Variants in MAK observed in about 807,000 individuals in gnomAD.
MAK encodes the protein serine/threonine-protein kinase MAK.
Under a neutral mutation model 82.6 loss-of-function variants are expected in MAK, and 65 were observed. The observed-to-expected ratio is 0.79, with a 90% confidence interval of 0.64 to 0.97. MAK has a LOEUF of 0.97. Among genes scored for constraint, MAK ranks in the 50% least tolerant of loss-of-function variants. The pLI is 0.00. For missense variants in MAK, 703 were observed against 780.2 expected (o/e 0.90, Z 1.18); for synonymous variants, 250 against 274.2 (o/e 0.91, Z 0.87).
Position 10,796,211 on chromosome 6 carries a change from T to G in MAK, c.930A>C (p.Leu310Phe). The change falls in exon 9 of 15, where the codon TTA (leucine) becomes TTC (phenylalanine). Residue 310 changes from leucine (L) to phenylalanine (F), a missense_variant. Leu to Phe is a conservative substitution (Grantham distance 22). Coordinates refer to ENST00000354489, the MANE Select transcript of MAK (RefSeq NM_001242957.3). ...CCTCAACTAAAGATGGCTTTGATTC[T>G]AATGGTTGCAGCTGCTTATTTAAAG... ...KQSLNKQLQP[L>F]ESKPSLVEVE... 6.2e-7 allele frequency: 1 copy of G among 1,614,182 alleles called. No individual in the cohort carries two copies.
At position 10,764,186 on chromosome 6, in the gene MAK, G is replaced by T. The variant is rs1772183532; in HGVS notation, c.*266C>A. The T allele has an allele frequency of 2.5e-6, 1 of 396,336 alleles. No individual in the cohort carries two copies. 24.6% of individuals were successfully genotyped at this position (396,336 alleles called of 1,614,324 possible). On this transcript the variant is annotated 3_prime_UTR_variant, in exon 15 of 15. Transcript: ENST00000354489. The stretch of plus-strand genomic sequence containing the variant: ...TGGATTTACTATTTATTAAATTGTA[G>T]ATCAAATACTTCATACTTTGGCAAA...
At chr6:10,765,187 C>T (rs1179944358) in intron 14 of MAK, among the ~76,000 whole-genome samples, 1 of 151,836 alleles carries the variant, frequency 6.6e-6, no homozygotes, top group Non-Finnish European at 1.5e-5. Flanking sequence ...TAATATTTTA[C>T]ATTTAGATAG....
intron 2 of MAK, among the ~76,000 whole-genome samples, chr6:10,820,287 CTTTA>C (rs1275135770): frequency 6.6e-6 from 1 of 152,110 alleles, no homozygotes; most frequent in Non-Finnish European, 1.5e-5. Flanking sequence ...TTAGCGTTGT[CTTTA>C]TTAATTACAA....
chr6:10,837,357 C>T (rs1015608900), intron 1 of MAK, among the ~76,000 whole-genome samples: 4 of 152,198 alleles, frequency 2.6e-5, no homozygotes, highest in Non-Finnish European at 4.4e-5. Flanking sequence ...TGCTCATATT[C>T]ACAAATTATT....
intron 2 of MAK, among the ~76,000 whole-genome samples, chr6:10,823,789 C>T (rs1038170287): frequency 2.0e-5 from 3 of 151,926 alleles, no homozygotes; most frequent in African/African-American, 7.3e-5. Flanking sequence ...CTTGGCCTCC[C>T]AAAGTGCTGG....
At chr6:10,815,292 T>C (rs549902356) in intron 4 of MAK, among the ~76,000 whole-genome samples, 2 of 152,262 alleles carry the variant, frequency 1.3e-5, no homozygotes, top group South Asian at 4.2e-4. Context: ...TAATTATTTA[T>C]TTTTAAAATT....
At chr6:10,781,749 T>C (rs1364148303) in intron 11 of MAK, among the ~76,000 whole-genome samples, 3 of 152,094 alleles carry the variant, frequency 2.0e-5, no homozygotes, top group Non-Finnish European at 4.4e-5. Context: ...ATAAGATACT[T>C]GTAAATTGAC....
intron 10 of MAK, among the ~76,000 whole-genome samples, chr6:10,787,367 TA>T (rs1774659872): frequency 6.6e-6 from 1 of 152,222 alleles, no homozygotes; most frequent in Admixed American, 6.5e-5. Context: ...AATTAATCCT[TA>T]CCTGATCTTG....
chr6:10,809,023 A>G, intron 5 of MAK, 81 bp from the exon 6 acceptor site: 9 of 1,200,622 alleles, frequency 7.5e-6, no homozygotes, highest in Non-Finnish European at 1.1e-5. Flanking sequence ...AACAAAATAT[A>G]AATGAACCCC....
At chr6:10,773,267 A>G (rs920632436) in intron 12 of MAK, among the ~76,000 whole-genome samples, 159 bp from the exon 13 acceptor site, 1 of 152,208 alleles carries the variant, frequency 6.6e-6, no homozygotes, top group Non-Finnish European at 1.5e-5. Context: ...TTTGATGCCA[A>G]CTGTATATTC....
At chr6:10,822,449 C>T (rs1212662217) in intron 2 of MAK, among the ~76,000 whole-genome samples, 2 of 150,198 alleles carry the variant, frequency 1.3e-5, no homozygotes, top group Non-Finnish European at 3.0e-5. Context: ...AGCAAAACTC[C>T]GTCTCAAAAA....
In MAK at chr6:10,773,232, G is replaced by C. The variant is rs75343246; in HGVS notation, c.1598-124C>G. 2.5e-3 allele frequency: 1,283 copies of C among 510,714 alleles called. 17 individuals are homozygous for C. Among genetic ancestry groups the C allele is most frequent in the African/African-American group, 0.022 (1,162 of 52,172 alleles). 31.6% of individuals were successfully genotyped at this position (510,714 alleles called of 1,614,324 possible). ...AAAGAGCCCTTAAAAATGCAAAAAT[G>C]TCCCCATTGTTGTCACAGCATTTAT... is the stretch of plus-strand genomic sequence containing the variant. On this transcript the variant is annotated intron_variant, in intron 12 of 14. Transcript: ENST00000354489.
At chr6:10,783,881 T>C (rs1325805937) in intron 11 of MAK, among the ~76,000 whole-genome samples, 1 of 152,048 alleles carries the variant, frequency 6.6e-6, no homozygotes, top group Non-Finnish European at 1.5e-5. Context: ...TAGCCAGGCG[T>C]GGTGGCTCGC....
At chr6:10,785,600 A>G (rs1215559504) in intron 10 of MAK, among the ~76,000 whole-genome samples, 1 of 152,244 alleles carries the variant, frequency 6.6e-6, no homozygotes, top group African/African-American at 2.4e-5. Flanking sequence ...CAATGGGAAC[A>G]GTCCCGCCAT....
chr6:10,826,078 G>A (rs775679053), intron 2 of MAK, among the ~76,000 whole-genome samples: 1 of 151,982 alleles, frequency 6.6e-6, no homozygotes, highest in Non-Finnish European at 1.5e-5. Context: ...CTGGCTTCAC[G>A]ACTTCACCTG....
At position 10,837,166 on chromosome 6, in the gene MAK, T is replaced by TA. The variant is rs375619125; in HGVS notation, c.-230+1336dup. The stretch of plus-strand genomic sequence containing the variant: ...ATATTATGTCACTCCGAGGCTGGCT[T>TA]AACGCTTCTAATACACAACAAAAGA... On this transcript the variant is annotated intron_variant, in intron 1 of 14. Coordinates refer to ENST00000354489, the MANE Select transcript of MAK (RefSeq NM_001242957.3). Among the ~76,000 whole-genome samples, 922 of 152,324 alleles carry TA rather than the reference T, an allele frequency of 6.1e-3. 3 individuals are homozygous for TA. Among genetic ancestry groups the TA allele is most frequent in the Non-Finnish European group, 0.01 (686 of 68,016 alleles).
At chr6:10,764,644 A>C in intron 14 of MAK, 38 bp from the exon 15 acceptor site, 1 of 1,581,236 alleles carries the variant, frequency 6.3e-7, no homozygotes, top group Non-Finnish European at 8.7e-7. Context: ...GGTTTTACTC[A>C]TTTGCTTATC....
chr6:10,782,258 A>ACACACACC (rs1774069488), intron 11 of MAK, among the ~76,000 whole-genome samples: 1 of 151,098 alleles, frequency 6.6e-6, no homozygotes, highest in African/African-American at 2.4e-5. Flanking sequence ...ACAGACACAC[A>ACACACACC]CCAAAACTAT....
intron 14 of MAK, among the ~76,000 whole-genome samples, chr6:10,768,666 G>A (rs545546159): frequency 3.3e-5 from 5 of 152,138 alleles, no homozygotes; most frequent in Non-Finnish European, 5.9e-5. Flanking sequence ...AATCACTGCT[G>A]TATATAAAAT....
Sources: gnomAD v4.1 joint callset for allele counts (sites outside exome capture counted in the v4.1 genomes callset) on GRCh38, gnomAD v4.1.1 for gene constraint, MANE v1.5 for transcripts, NCBI Gene and HGNC (gene_info 2026-07-23, HGNC 2026-07-21) for gene names.